The following PRKG1 variants were observed in gnomAD, a reference collection of about 807,000 sequenced individuals.
PRKG1 encodes the protein protein kinase cGMP-dependent 1, also known as cGMP-dependent protein kinase 1.
A neutral mutation model predicts 88.1 loss-of-function variants in PRKG1; 35 were observed. That is an observed-to-expected ratio of 0.40 (90% CI 0.30 to 0.53). The LOEUF (loss-of-function observed/expected upper bound fraction) is 0.53. Among genes scored for constraint, PRKG1 ranks in the 20% least tolerant of loss-of-function variants. The pLI, the probability that PRKG1 is intolerant of heterozygous loss-of-function variation, is 0.59. For synonymous variants in PRKG1, 303 were observed against 292.5 expected (o/e 1.04, Z -0.37); for missense variants, 540 against 839.8 (o/e 0.64, Z 4.41).
At chr10:51,634,091 G>A (rs10762260) in intron 3 of PRKG1, among the ~76,000 whole-genome samples, 119,981 of 151,970 alleles carry the variant, frequency 0.79, 48,575 homozygotes, top group South Asian at 0.9. Context: ...GAGAAGGAAG[G>A]CAAGATAACT....
intron 2 of PRKG1, among the ~76,000 whole-genome samples, chr10:51,263,953 T>C (rs1253388775): frequency 6.6e-6 from 1 of 152,244 alleles, no homozygotes; most frequent in Non-Finnish European, 1.5e-5. Flanking sequence ...ATCAGTGAAC[T>C]TGAAGAACAG....
chr10:51,432,466 A>G (rs1428416563), intron 2 of PRKG1, among the ~76,000 whole-genome samples: 2 of 152,170 alleles, frequency 1.3e-5, no homozygotes, highest in South Asian at 4.1e-4. Context: ...AAGCTTAGGG[A>G]GTTAAAGCAC....
At chr10:51,564,748 G>T (rs1310344474) in intron 3 of PRKG1, among the ~76,000 whole-genome samples, 1 of 152,058 alleles carries the variant, frequency 6.6e-6, no homozygotes, top group Non-Finnish European at 1.5e-5. Context: ...AAAACAGTTT[G>T]CTTCGTATGT....
chr10:51,435,737 T>A (rs1423137491), intron 2 of PRKG1, among the ~76,000 whole-genome samples: 3 of 151,860 alleles, frequency 2.0e-5, no homozygotes, highest in African/African-American at 7.3e-5. Context: ...CTCATGAGCA[T>A]GAGGTGGAAT....
intron 3 of PRKG1, among the ~76,000 whole-genome samples, chr10:51,788,844 A>G (rs145172082): frequency 2.0e-5 from 3 of 152,286 alleles, no homozygotes; most frequent in African/African-American, 7.2e-5. Flanking sequence ...GGGGGCTAAT[A>G]GACATATAAT....
At position 51,637,063 on chromosome 10, in the gene PRKG1, A is replaced by AT. The variant is rs1223671830; in HGVS notation, c.593-167521dup. Among the ~76,000 whole-genome samples the AT allele has an allele frequency of 2.6e-5, 4 of 152,274 alleles. No individual in the cohort carries two copies. The South Asian group carries it at 8.3e-4, about 32-fold the overall frequency. On this transcript the variant is annotated intron_variant, in intron 3 of 17. Transcript: ENST00000373980. ...GGCTTTTCTTCTAAAAACCTTCTCC[A>AT]TAAAAAGTGATTGTCATTTAAAAAA...
At chr10:51,374,256 C>G (rs1588892360) in intron 2 of PRKG1, among the ~76,000 whole-genome samples, 1 of 149,238 alleles carries the variant, frequency 6.7e-6, no homozygotes, top group African/African-American at 2.5e-5. Flanking sequence ...CCCCCAACCC[C>G]CGACAGGCCC....
At chr10:51,188,917 A>G (rs1837564326) in intron 2 of PRKG1, among the ~76,000 whole-genome samples, 1 of 152,088 alleles carries the variant, frequency 6.6e-6, no homozygotes, top group South Asian at 2.1e-4. Flanking sequence ...CAAATCATTT[A>G]TGAAGGAAGC....
At chr10:51,030,150 G>A (rs1322806997) in intron 1 of PRKG1, among the ~76,000 whole-genome samples, 1 of 151,760 alleles carries the variant, frequency 6.6e-6, no homozygotes, top group African/African-American at 2.4e-5. Context: ...ATAGTAAATT[G>A]AACACTGTAT....
intron 1 of PRKG1, among the ~76,000 whole-genome samples, chr10:51,134,945 T>C (rs1845654715): frequency 6.6e-6 from 1 of 152,164 alleles, no homozygotes; most frequent in Non-Finnish European, 1.5e-5. Flanking sequence ...AATGGATAAA[T>C]AATTGGGATT....
At chr10:51,344,154 C>A (rs551485876) in intron 2 of PRKG1, among the ~76,000 whole-genome samples, 1 of 152,136 alleles carries the variant, frequency 6.6e-6, no homozygotes, top group Non-Finnish European at 1.5e-5. Context: ...GGCTGACATT[C>A]TCATGGCTTC....
intron 2 of PRKG1, among the ~76,000 whole-genome samples, chr10:51,303,437 T>C (rs1353032958): frequency 6.6e-6 from 1 of 151,890 alleles, no homozygotes; most frequent in East Asian, 1.9e-4. Flanking sequence ...CAGTGACATC[T>C]GCCAAAACCA....
chr10:51,565,380 G>A (rs1327361973), intron 3 of PRKG1, among the ~76,000 whole-genome samples: 1 of 151,960 alleles, frequency 6.6e-6, no homozygotes, highest in Non-Finnish European at 1.5e-5. Context: ...CCTAGCCCCT[G>A]CTGCTGTTCT....
At chr10:51,504,659 T>C (rs1230806278) in intron 3 of PRKG1, among the ~76,000 whole-genome samples, 1 of 152,190 alleles carries the variant, frequency 6.6e-6, no homozygotes, top group Non-Finnish European at 1.5e-5. Flanking sequence ...AGCAGTGGTT[T>C]GTAGTTCTCC....
At chr10:51,001,761 T>C (rs1237467518) in intron 1 of PRKG1, among the ~76,000 whole-genome samples, 1 of 152,070 alleles carries the variant, frequency 6.6e-6, no homozygotes, top group Non-Finnish European at 1.5e-5. Context: ...GGGGAGAAGA[T>C]AGAGGGGGAG....
intron 3 of PRKG1, among the ~76,000 whole-genome samples, chr10:51,587,351 G>A (rs538287724): frequency 6.6e-6 from 1 of 152,232 alleles, no homozygotes; most frequent in South Asian, 2.1e-4. Context: ...AGGTGTATTT[G>A]CATAGTTGTA....
chr10:51,298,486 A>T (rs974315540), intron 2 of PRKG1, among the ~76,000 whole-genome samples: 20 of 152,230 alleles, frequency 1.3e-4, no homozygotes, highest in African/African-American at 4.8e-4. Flanking sequence ...CCATTAAATG[A>T]AACAGCTTTA....
intron 2 of PRKG1, among the ~76,000 whole-genome samples, chr10:51,418,501 T>C (rs1838309795): frequency 6.6e-6 from 1 of 152,190 alleles, no homozygotes; most frequent in Admixed American, 6.6e-5. Flanking sequence ...GCCTATAACA[T>C]ACGGACCTAA....
chr10:52,051,053 C>CCTGTACAATACAATGG (rs1564447841), intron 5 of PRKG1, among the ~76,000 whole-genome samples: 2 of 152,064 alleles, frequency 1.3e-5, no homozygotes, highest in African/African-American at 2.4e-5. Context: ...CAGGACATCT[C>CCTGTACAATACAATGG]CCTACAATAA....
Sources: allele counts gnomAD v4.1 joint callset (sites outside exome capture counted in the v4.1 genomes callset), GRCh38; gene constraint gnomAD v4.1.1; transcripts MANE v1.5; gene names NCBI Gene and HGNC (gene_info 2026-07-23, HGNC 2026-07-21).